CCNT2: variants seen among roughly 807,000 people sequenced by gnomAD.
CCNT2 encodes cyclin T2.
In CCNT2, 18 loss-of-function variants were observed where a neutral mutation model predicts 70.0. The ratio of observed to expected loss-of-function variants is 0.26; its 90% CI spans 0.18 to 0.38. The LOEUF (loss-of-function observed/expected upper bound fraction) is 0.38, where lower values mean the gene tolerates loss of function less well. CCNT2 is among the 10% of genes least tolerant of loss of function. CCNT2 has a pLI of 1.00. For synonymous variants in CCNT2, 334 were observed against 313.3 expected (o/e 1.07, Z -0.70); for missense variants, 734 against 890.2 (o/e 0.82, Z 2.23).
At position 134,942,645 on chromosome 2, in the gene CCNT2, A is replaced by T. The variant is rs1186283614; in HGVS notation, c.464A>T (p.Asp155Val). Residue 155 changes from aspartate to valine, a missense_variant, in exon 5 of 9, where the codon GAT (aspartate) becomes GTT (valine). By Grantham distance (152) the Asp-to-Val change is radical. This residue lies in a region of CCNT2 where 161 missense variants were observed against 303.8 expected (regional missense o/e 0.53). Transcript: ENST00000264157. ...ATCACCATTGAACACCCACACACAG[A>T]TGTGGTGAAATGTACCCAGTTAGTA... ...FEITIEHPHT[D>V]VVKCTQLVRA... 6.2e-7 allele frequency: 1 copy of T among 1,610,398 alleles called. No individual in the cohort carries two copies. Among genetic ancestry groups the T allele is most frequent in the Non-Finnish European group, 8.5e-7 (1 of 1,178,834 alleles).
In CCNT2 at chr2:134,958,003, TA is replaced by T. The variant is rs1418368150; in HGVS notation, c.*3356del. ...ATGAAATGTTTTTGTTAGTACAAAA[TA>T]CCATTGCCTTAAAAGGTTTCAAGCA... On this transcript the variant is annotated 3_prime_UTR_variant, in exon 9 of 9. Coordinates refer to ENST00000264157, the MANE Select transcript of CCNT2 (RefSeq NM_058241.3). 6.6e-6 allele frequency: 1 copy of T among 152,214 alleles called. No individual in the cohort carries two copies. The highest frequency in any genetic ancestry group is 2.4e-5 in the African/African-American group (1 of 41,462). The allele number at this position is 152,214 out of a possible 1,614,324, so 9.4% of individuals were successfully genotyped here.
intron 2 of CCNT2, among the ~76,000 whole-genome samples, chr2:134,924,040 A>T (rs1680104354): frequency 6.6e-6 from 1 of 152,184 alleles, no homozygotes; most frequent in Non-Finnish European, 1.5e-5. Flanking sequence ...TGCATTGTGT[A>T]TCACTGTTTT....
At position 134,945,227 on chromosome 2, in the gene CCNT2, G is replaced by A; in HGVS notation, c.494-874G>A. 5 of 985,408 alleles carry A rather than the reference G, an allele frequency of 5.1e-6. No individual in the cohort carries two copies. The South Asian group carries it at 1.9e-4, about 37-fold the overall frequency. 61.0% of individuals were successfully genotyped at this position (985,408 alleles called of 1,614,324 possible). On this transcript the variant is annotated intron_variant, in intron 5 of 8. Transcript: ENST00000264157. ...TGCCATGAATAAAAAATAGGGGAGG[G>A]GGAAAGAAATTTGAGGACGGTTAGA...
intron 2 of CCNT2, among the ~76,000 whole-genome samples, chr2:134,931,744 T>G (rs1446901403): frequency 6.6e-6 from 1 of 152,170 alleles, no homozygotes; most frequent in Non-Finnish European, 1.5e-5. Context: ...ATGTTCTTGT[T>G]TCACAATACA....
At chr2:134,920,110 AG>A in intron 2 of CCNT2, 1 of 414,790 alleles carries the variant, frequency 2.4e-6, no homozygotes, top group South Asian at 3.4e-5. Flanking sequence ...AGGCCTTTTA[AG>A]CTAAAAAAGA....
At chr2:134,927,940 G>A (rs1169762463) in intron 2 of CCNT2, among the ~76,000 whole-genome samples, 1 of 152,118 alleles carries the variant, frequency 6.6e-6, no homozygotes, top group Non-Finnish European at 1.5e-5. Context: ...TACATGTAAC[G>A]TGAATTTTTC....
chr2:134,952,900 T>C, intron 8 of CCNT2, 189 bp downstream of exon 8: 2 of 502,204 alleles, frequency 4.0e-6, no homozygotes, highest in East Asian at 3.3e-5. Flanking sequence ...CATTATACTT[T>C]TAAAAAATTT....
chr2:134,928,845 C>T (rs887400452), intron 2 of CCNT2, among the ~76,000 whole-genome samples: 1 of 152,054 alleles, frequency 6.6e-6, no homozygotes, highest in Non-Finnish European at 1.5e-5. Flanking sequence ...AGAGAAAATT[C>T]TGAGGGTTTG....
intron 5 of CCNT2, chr2:134,943,013 A>G: frequency 1.0e-6 from 1 of 985,330 alleles, no homozygotes; most frequent in African/African-American, 1.7e-5. Flanking sequence ...AATAATATTA[A>G]TTTTGGGTTT....
intron 5 of CCNT2, chr2:134,944,869 G>A (rs906853940): frequency 9.1e-6 from 9 of 985,096 alleles, no homozygotes; most frequent in Non-Finnish European, 1.1e-5. Context: ...GGTGAAAACT[G>A]CTAATGGCAT....
Position 134,918,947 on chromosome 2 carries a change from T to A in CCNT2, c.93T>A (p.Asp31Glu). The change falls in exon 1 of 9, where the codon GAT (aspartate) becomes GAA (glutamate). Residue 31 changes from aspartate to glutamate, a missense_variant. This residue lies in a region of CCNT2 where 161 missense variants were observed against 303.8 expected (regional missense o/e 0.53). Coordinates refer to ENST00000264157, the MANE Select transcript of CCNT2 (RefSeq NM_058241.3). The stretch of plus-strand genomic sequence containing the variant: ...GCCGCCGCTGCGGAGTGGAGGCGGA[T>A]AAAGAGCTCTCGTGCCGCCAGCAGG... ...TPSRRCGVEA[D>E]KELSCRQQAA... The A allele has an allele frequency of 4.3e-6, 7 of 1,613,970 alleles. No individual in the cohort carries two copies.
chr2:134,948,506 G>A (rs1341812484), intron 7 of CCNT2, among the ~76,000 whole-genome samples: 1 of 152,118 alleles, frequency 6.6e-6, no homozygotes, highest in Non-Finnish European at 1.5e-5. Flanking sequence ...TTCTTGCTCT[G>A]TATTACCATT....
rs112471982 is a variant in CCNT2, at chr2:134,931,262, CTTTTTTTT to C, written c.241-5561_241-5554del. On this transcript the variant is annotated intron_variant, in intron 2 of 8. Transcript: ENST00000264157. ...CAGGCATAAGCCACCATGCCCGGAT[CTTTTTTTT>C]TTTTTTTTTTTTTTTTTGGTATTTG... Among the ~76,000 whole-genome samples, 118 of 42,436 alleles carry C rather than the reference CTTTTTTTT, an allele frequency of 2.8e-3. 5 individuals are homozygous for C. The highest frequency in any genetic ancestry group is 8.0e-3 in the African/African-American group (102 of 12,690). 27.8% of individuals were successfully genotyped at this position (42,436 alleles called of 152,430 possible).
Position 134,954,822 on chromosome 2 carries a change from T to G in CCNT2, c.*174T>G. The G allele has an allele frequency of 1.7e-6, 1 of 585,504 alleles. No individual in the cohort carries two copies. Among genetic ancestry groups the G allele is most frequent in the Non-Finnish European group, 3.0e-6 (1 of 328,984 alleles). 36.3% of individuals were successfully genotyped at this position (585,504 alleles called of 1,614,324 possible). ...AGAAGAGATTATAGTAAACAAGTCT[T>G]TATCTCCACATATGATAGTGTTATA... On this transcript the variant is annotated 3_prime_UTR_variant, in exon 9 of 9. Coordinates refer to ENST00000264157, the MANE Select transcript of CCNT2 (RefSeq NM_058241.3).
At chr2:134,919,066 G>T in intron 1 of CCNT2, 54 bp downstream of exon 1, 1 of 1,525,526 alleles carries the variant, frequency 6.6e-7, no homozygotes, top group South Asian at 1.2e-5. Flanking sequence ...CCCGGTCGCC[G>T]GGCCTGGTGC....
chr2:134,945,610 C>T, intron 5 of CCNT2: 1 of 985,390 alleles, frequency 1.0e-6, no homozygotes, highest in Non-Finnish European at 1.2e-6. Flanking sequence ...TGATGAAAAA[C>T]TGAGCAGTTT....
At chr2:134,946,239 C>A in intron 6 of CCNT2, 93 bp downstream of exon 6, 1 of 1,425,720 alleles carries the variant, frequency 7.0e-7, no homozygotes, top group Non-Finnish European at 9.7e-7. Flanking sequence ...ACCCTTGTTG[C>A]GACAGGAGAC....
At chr2:134,919,697 G>T in intron 1 of CCNT2, 113 bp from the exon 2 acceptor site, 2 of 742,362 alleles carry the variant, frequency 2.7e-6, no homozygotes, top group African/African-American at 1.8e-5. Flanking sequence ...TTCCAGTTTG[G>T]GGTTTGGATT....
rs1360783136 is a variant in CCNT2, at chr2:134,953,167, AC to A, written c.775-62del. The A allele has an allele frequency of 2.6e-6, 3 of 1,166,530 alleles. No individual in the cohort carries two copies. In the African/African-American group the frequency reaches 4.7e-5, roughly 18 times the overall value. 72.3% of individuals were successfully genotyped at this position (1,166,530 alleles called of 1,614,324 possible). A position where few individuals can be genotyped will look rare whatever the true frequency, so the allele number is the denominator to read the frequency against. ...GTTTTTAATATATAACTTTTATAAG[AC>A]AAGAAATTTGCATTAAATTATTTTG... On this transcript the variant is annotated intron_variant, in intron 8 of 8. Coordinates refer to ENST00000264157, the MANE Select transcript of CCNT2 (RefSeq NM_058241.3).
Sources: allele counts gnomAD v4.1 joint callset (sites outside exome capture counted in the v4.1 genomes callset), GRCh38; gene constraint gnomAD v4.1.1; regional missense constraint gnomAD v4.1.1; transcripts MANE v1.5; gene names NCBI Gene and HGNC (gene_info 2026-07-23, HGNC 2026-07-21).